Variants in ZMYM5 observed in about 807,000 individuals in gnomAD.
The protein encoded by ZMYM5 is zinc finger MYM-type protein 5.
Under a neutral mutation model 61.8 loss-of-function variants are expected in ZMYM5, and 41 were observed. The ratio of observed to expected loss-of-function variants is 0.66; its 90% CI spans 0.52 to 0.86. The LOEUF (loss-of-function observed/expected upper bound fraction) is 0.86. Among genes scored for constraint, ZMYM5 ranks in the 40% least tolerant of loss-of-function variants. The pLI is 0.00. For synonymous variants in ZMYM5, 257 were observed against 276.4 expected (o/e 0.93, Z 0.70); for missense variants, 706 against 786.7 (o/e 0.90, Z 1.23).
Position 19,831,787 on chromosome 13 carries a change from C to CAAAAA in ZMYM5, c.1251+3685_1251+3689dup, listed in dbSNP as rs1190448216. Among the ~76,000 whole-genome samples the CAAAAA allele has an allele frequency of 1.9e-4, 7 of 36,688 alleles. 1 individual carries two copies. The highest frequency in any genetic ancestry group is 2.8e-4 in the African/African-American group (2 of 7,236). The allele number at this position is 36,688 out of a possible 152,430, so 24.1% of individuals were successfully genotyped here. ...TGGGTGACAGAGAGAGACTCTGTCT[C>CAAAAA]AAAAAAAAAAAAAAAAAAAAAAAAA... On this transcript the variant is annotated intron_variant, in intron 7 of 7. Coordinates refer to ENST00000337963, the MANE Select transcript of ZMYM5 (RefSeq NM_001142684.2).
chr13:19,827,521 A>G (rs190887335), intron 7 of ZMYM5, among the ~76,000 whole-genome samples: 1 of 152,318 alleles, frequency 6.6e-6, no homozygotes, highest in African/African-American at 2.4e-5. Context: ...CAGACCATTT[A>G]GATGTTGCTA....
intron 2 of ZMYM5, among the ~76,000 whole-genome samples, chr13:19,861,288 A>C (rs1953751280): frequency 6.6e-6 from 1 of 152,190 alleles, no homozygotes. Context: ...AGCTGGGACT[A>C]CAGGCATGTG....
At chr13:19,839,326 T>C (rs1952783489) in intron 4 of ZMYM5, among the ~76,000 whole-genome samples, 1 of 151,974 alleles carries the variant, frequency 6.6e-6, no homozygotes. Flanking sequence ...CTCATCAGAG[T>C]GCTATGAAGA....
chr13:19,838,591 C>A (rs1313416075), intron 5 of ZMYM5, 109 bp downstream of exon 5: 4 of 1,364,168 alleles, frequency 2.9e-6, no homozygotes, highest in Non-Finnish European at 4.0e-6. Flanking sequence ...TGAAGACACT[C>A]CTGCAACAAT....
intron 7 of ZMYM5, among the ~76,000 whole-genome samples, chr13:19,827,759 C>T (rs1324387996): frequency 6.6e-5 from 10 of 152,030 alleles, no homozygotes; most frequent in African/African-American, 1.9e-4. Context: ...GGGCTGGGCA[C>T]GGTGGCTCAC....
chr13:19,829,332 G>C (rs1311927760), intron 7 of ZMYM5, among the ~76,000 whole-genome samples: 1 of 151,728 alleles, frequency 6.6e-6, no homozygotes, highest in Non-Finnish European at 1.5e-5. Flanking sequence ...TGTCATTCAG[G>C]CCGGAGTGCA....
intron 7 of ZMYM5, among the ~76,000 whole-genome samples, chr13:19,827,562 ATGTT>A (rs1239069588): frequency 1.3e-5 from 2 of 152,218 alleles, no homozygotes; most frequent in Admixed American, 6.5e-5. Flanking sequence ...AGTAGTATGT[ATGTT>A]TATTAACATT....
At position 19,847,404 on chromosome 13, in the gene ZMYM5, C is replaced by G. The variant is rs191974175; in HGVS notation, c.586+3951G>C. Among the ~76,000 whole-genome samples the G allele has an allele frequency of 3.2e-4, 49 of 152,186 alleles. 1 individual carries two copies. In the East Asian group the frequency reaches 5.8e-3, roughly 18 times the overall value. The stretch of plus-strand genomic sequence containing the variant: ...TCTCCAACCACCTATCTATGTGAGG[C>G]CAGATTTTCTTCTTATACTTCAAGC... On this transcript the variant is annotated intron_variant, in intron 4 of 7. Coordinates refer to ENST00000337963, the MANE Select transcript of ZMYM5 (RefSeq NM_001142684.2).
chr13:19,827,138 T>A (rs969540499), intron 7 of ZMYM5, among the ~76,000 whole-genome samples: 1 of 152,176 alleles, frequency 6.6e-6, no homozygotes, highest in African/African-American at 2.4e-5. Flanking sequence ...TTGGGGATGA[T>A]GAAAATGTTC....
chr13:19,834,034 T>C (rs559236740), intron 7 of ZMYM5, among the ~76,000 whole-genome samples: 21 of 152,358 alleles, frequency 1.4e-4, no homozygotes, highest in Middle Eastern at 3.4e-3. Context: ...TGGAGCGCAA[T>C]GGCGCAATCT....
chr13:19,848,693 C>T lies in ZMYM5; in HGVS notation c.586+2662G>A, dbSNP rs144582433. Among the ~76,000 whole-genome samples the T allele has an allele frequency of 1.9e-3, 287 of 152,170 alleles. 1 individual carries two copies. Among genetic ancestry groups the T allele is most frequent in the African/African-American group, 6.4e-3 (266 of 41,532 alleles). ...GGGCTACAGGTACATGCCACCATGCCTGGCTACTTTTTAATTTTTTTAGTA... is the reference window on the plus strand; with the variant it reads ...GGGCTACAGGTACATGCCACCATGCTTGGCTACTTTTTAATTTTTTTAGTA... On this transcript the variant is annotated intron_variant, in intron 4 of 7. Coordinates refer to ENST00000337963, the MANE Select transcript of ZMYM5 (RefSeq NM_001142684.2).
chr13:19,838,615 C>T, intron 5 of ZMYM5, 85 bp downstream of exon 5: 2 of 1,491,768 alleles, frequency 1.3e-6, no homozygotes, highest in Non-Finnish European at 1.8e-6. Context: ...ACCCATAAAT[C>T]TATCCAGCTC....
intron 6 of ZMYM5, 118 bp from the exon 7 acceptor site, chr13:19,835,807 A>T: frequency 1.4e-6 from 1 of 693,866 alleles, no homozygotes; most frequent in Non-Finnish European, 2.1e-6. Flanking sequence ...TCTCAGAGGA[A>T]GATATACCCA....
At chr13:19,840,841 C>A (rs902655325) in intron 4 of ZMYM5, among the ~76,000 whole-genome samples, 2 of 152,086 alleles carry the variant, frequency 1.3e-5, no homozygotes, top group Non-Finnish European at 2.9e-5. Flanking sequence ...CCATGCCCGG[C>A]TAATTTTTTG....
At chr13:19,837,981 A>G (rs571735722) in intron 5 of ZMYM5, among the ~76,000 whole-genome samples, 160 bp from the exon 6 acceptor site, 1 of 152,222 alleles carries the variant, frequency 6.6e-6, no homozygotes, top group African/African-American at 2.4e-5. Context: ...TTTATTGCCA[A>G]GAGTTCTTAA....
chr13:19,828,124 A>C (rs1377303483), intron 7 of ZMYM5, among the ~76,000 whole-genome samples: 1 of 152,134 alleles, frequency 6.6e-6, no homozygotes, highest in Non-Finnish European at 1.5e-5. Context: ...AAGAAAATAA[A>C]AATGGACTTG....
chr13:19,862,670 C>T (rs1338181527), intron 1 of ZMYM5, among the ~76,000 whole-genome samples: 1 of 152,166 alleles, frequency 6.6e-6, no homozygotes, highest in East Asian at 1.9e-4. Context: ...AGTGCTTCGT[C>T]CAACTGCAGT....
chr13:19,846,242 T>C (rs1953067337), intron 4 of ZMYM5, among the ~76,000 whole-genome samples: 2 of 152,192 alleles, frequency 1.3e-5, no homozygotes, highest in Admixed American at 1.3e-4. Flanking sequence ...CTGGGTAGTA[T>C]GCATAAAGTA....
intron 4 of ZMYM5, among the ~76,000 whole-genome samples, chr13:19,841,113 C>T (rs183646305): frequency 3.3e-5 from 5 of 150,600 alleles, no homozygotes; most frequent in Admixed American, 6.7e-5. Context: ...TACAGGAGCA[C>T]GCCACCACAC....
Sources: allele counts gnomAD v4.1 joint callset (sites outside exome capture counted in the v4.1 genomes callset), GRCh38; gene constraint gnomAD v4.1.1; transcripts MANE v1.5; gene names NCBI Gene and HGNC (gene_info 2026-07-23, HGNC 2026-07-21).